Variants in KCNIP4 observed in about 807,000 individuals in gnomAD.
KCNIP4 encodes the protein Kv channel-interacting protein 4.
In KCNIP4, 12 loss-of-function variants were observed where a neutral mutation model predicts 34.0. That is an observed-to-expected ratio of 0.35 (90% CI 0.23 to 0.57). The LOEUF (loss-of-function observed/expected upper bound fraction) is 0.57, where lower values mean the gene tolerates loss of function less well. Ranked by LOEUF, KCNIP4 falls within the 20% of genes least tolerant of loss-of-function variation. KCNIP4 has a pLI of 0.83. For missense variants in KCNIP4, 238 were observed against 311.7 expected (o/e 0.76, Z 1.78); for synonymous variants, 124 against 102.2 (o/e 1.21, Z -1.29).
chr4:21,021,109 C>T (rs1739996005), intron 1 of KCNIP4, among the ~76,000 whole-genome samples: 1 of 152,184 alleles, frequency 6.6e-6, no homozygotes, highest in African/African-American at 2.4e-5. Flanking sequence ...GGCTGCAAAC[C>T]TGTACAGCAT....
chr4:21,220,993 C>T (rs181486860), intron 1 of KCNIP4, among the ~76,000 whole-genome samples: 485 of 152,184 alleles, frequency 3.2e-3, no homozygotes, highest in African/African-American at 0.011. Flanking sequence ...TAGGTTGGAA[C>T]CAGCAATAAA....
chr4:21,761,560 A>G (rs539079654), intron 1 of KCNIP4, among the ~76,000 whole-genome samples: 10 of 152,016 alleles, frequency 6.6e-5, no homozygotes, highest in Non-Finnish European at 1.5e-4. Flanking sequence ...AAAACATACA[A>G]TTCTTATGTT....
intron 1 of KCNIP4, among the ~76,000 whole-genome samples, chr4:21,552,862 G>A (rs1017031295): frequency 6.6e-6 from 1 of 152,092 alleles, no homozygotes; most frequent in Non-Finnish European, 1.5e-5. Context: ...AAGCAAAACA[G>A]AAAAGTAAAA....
chr4:21,376,409 C>T (rs1008477709), intron 1 of KCNIP4, among the ~76,000 whole-genome samples: 68 of 152,174 alleles, frequency 4.5e-4, no homozygotes, highest in African/African-American at 1.6e-3. Flanking sequence ...TTGCCAGCCC[C>T]GTAAGCCTAT....
intron 1 of KCNIP4, among the ~76,000 whole-genome samples, chr4:21,916,254 G>T (rs1728624402): frequency 6.6e-6 from 1 of 152,126 alleles, no homozygotes; most frequent in African/African-American, 2.4e-5. Context: ...GTAGAATTTA[G>T]CCAATAAAAA....
intron 1 of KCNIP4, among the ~76,000 whole-genome samples, chr4:20,976,130 G>A (rs1275765787): frequency 6.6e-6 from 1 of 152,194 alleles, no homozygotes; most frequent in Non-Finnish European, 1.5e-5. Flanking sequence ...CATGGGTTTG[G>A]CCTTTCCAAC....
chr4:21,650,019 G>C (rs1224916068), intron 1 of KCNIP4, among the ~76,000 whole-genome samples: 1 of 152,168 alleles, frequency 6.6e-6, no homozygotes, highest in Non-Finnish European at 1.5e-5. Flanking sequence ...GTGTGTGCCA[G>C]ACAAATGATC....
At chr4:21,130,313 T>A (rs1221287139) in intron 1 of KCNIP4, among the ~76,000 whole-genome samples, 1 of 152,178 alleles carries the variant, frequency 6.6e-6, no homozygotes, top group Non-Finnish European at 1.5e-5. Flanking sequence ...TGCATAGCTG[T>A]GTTTGAGAAT....
At chr4:21,026,822 G>C (rs1438581624) in intron 1 of KCNIP4, among the ~76,000 whole-genome samples, 1 of 152,122 alleles carries the variant, frequency 6.6e-6, no homozygotes, top group African/African-American at 2.4e-5. Flanking sequence ...ATATGAAACA[G>C]CATCTGAGGT....
At chr4:21,184,640 G>C (rs912372178) in intron 1 of KCNIP4, among the ~76,000 whole-genome samples, 6 of 152,178 alleles carry the variant, frequency 3.9e-5, no homozygotes, top group African/African-American at 1.2e-4. Context: ...TCTCTGCCAT[G>C]ATCATTTGTT....
chr4:21,742,366 G>C (rs891015101), intron 1 of KCNIP4, among the ~76,000 whole-genome samples: 9 of 152,246 alleles, frequency 5.9e-5, no homozygotes, highest in East Asian at 3.9e-4. Flanking sequence ...AATCAGACAG[G>C]TTCTATATTT....
chr4:21,594,737 C>T (rs771037502), intron 1 of KCNIP4, among the ~76,000 whole-genome samples: 3 of 137,556 alleles, frequency 2.2e-5, no homozygotes, highest in Non-Finnish European at 4.7e-5. Flanking sequence ...TTGATGGAAG[C>T]GTCTACATGA....
intron 1 of KCNIP4, among the ~76,000 whole-genome samples, chr4:21,021,817 T>A (rs1740069073): frequency 2.1e-5 from 3 of 145,026 alleles, no homozygotes; most frequent in African/African-American, 2.9e-5. Context: ...AAAAAATAAG[T>A]AGAAGGTGTA....
chr4:20,768,802 G>A (rs954686396), intron 3 of KCNIP4, among the ~76,000 whole-genome samples: 5 of 152,042 alleles, frequency 3.3e-5, no homozygotes, highest in Admixed American at 1.3e-4. Flanking sequence ...CACTTCTGGG[G>A]TCAAAGTGGT....
chr4:21,066,541 C>T (rs1744404735), intron 1 of KCNIP4, among the ~76,000 whole-genome samples: 1 of 151,482 alleles, frequency 6.6e-6, no homozygotes, highest in African/African-American at 2.4e-5. Flanking sequence ...CATCCCCTGG[C>T]ATGTATTGCC....
intron 1 of KCNIP4, among the ~76,000 whole-genome samples, chr4:21,583,893 AT>A (rs1278649241): frequency 6.6e-6 from 1 of 151,994 alleles, no homozygotes; most frequent in African/African-American, 2.4e-5. Context: ...TCATTATAAG[AT>A]TTTTTGTGTG....
In KCNIP4 at chr4:21,137,053, C is replaced by T. The variant is rs1381724293; in HGVS notation, c.62-254344G>A. Among the ~76,000 whole-genome samples, 3 of 152,128 alleles carry T rather than the reference C, an allele frequency of 2.0e-5. No homozygotes were observed. In the South Asian group the frequency reaches 6.2e-4, roughly 32 times the overall value. On this transcript the variant is annotated intron_variant, in intron 1 of 8. Coordinates refer to ENST00000382152, the MANE Select transcript of KCNIP4 (RefSeq NM_025221.6). Reference sequence around the variant, plus strand: ...TGATCAACCCTACTGAATTCATGAACACATCAGGCTAATATTTCCCTTTTC... The same window carrying T: ...TGATCAACCCTACTGAATTCATGAATACATCAGGCTAATATTTCCCTTTTC...
chr4:21,128,852 T>C (rs150690390), intron 1 of KCNIP4, among the ~76,000 whole-genome samples: 8 of 152,346 alleles, frequency 5.3e-5, no homozygotes, highest in African/African-American at 1.7e-4. Flanking sequence ...AACTGAATTC[T>C]GTGTGATAAG....
intron 1 of KCNIP4, among the ~76,000 whole-genome samples, chr4:21,904,539 T>A (rs746905165): frequency 6.6e-6 from 1 of 152,180 alleles, no homozygotes; most frequent in Non-Finnish European, 1.5e-5. Context: ...ACCAAACATC[T>A]TTTCAAATTC....
Sources: gnomAD v4.1 joint callset for allele counts (sites outside exome capture counted in the v4.1 genomes callset) on GRCh38, gnomAD v4.1.1 for gene constraint, MANE v1.5 for transcripts, NCBI Gene and HGNC (gene_info 2026-07-23, HGNC 2026-07-21) for gene names.